Variants in HTR4 observed in about 807,000 individuals in gnomAD.
HTR4 encodes 5-hydroxytryptamine receptor 4, also known as 5-hydroxytryptamine (serotonin) receptor 4, G protein-coupled.
A neutral mutation model predicts 36.8 loss-of-function variants in HTR4; 16 were observed. The observed-to-expected ratio is 0.43, with a 90% CI of 0.29 to 0.66. The LOEUF is 0.66. Among genes scored for constraint, HTR4 ranks in the 30% least tolerant of loss-of-function variants. HTR4 has a pLI of 0.13. For synonymous variants in HTR4, 189 were observed against 185.1 expected, an observed-to-expected ratio of 1.02 and a Z score of -0.17; for missense variants, 438 against 490.9, an observed-to-expected ratio of 0.89 and a Z score of 1.02.
intron 2 of HTR4, 93 bp downstream of exon 2, chr5:148,636,896 T>G (rs1170281709): frequency 1.3e-6 from 1 of 761,634 alleles, no homozygotes; most frequent in African/African-American, 1.8e-5. Context: ...CCACATCCAT[T>G]AACTTTATAA....
At chr5:148,529,716 G>A (rs943124314) in intron 4 of HTR4, among the ~76,000 whole-genome samples, 1 of 152,200 alleles carries the variant, frequency 6.6e-6, no homozygotes, top group Non-Finnish European at 1.5e-5. Context: ...ACAGGCAGAG[G>A]TTGGAATAGT....
At chr5:148,637,536 G>A (rs1051034443) in intron 1 of HTR4, among the ~76,000 whole-genome samples, 2 of 152,058 alleles carry the variant, frequency 1.3e-5, no homozygotes, top group African/African-American at 4.8e-5. Flanking sequence ...AGAACTGTCT[G>A]CCCAGAAAAA....
chr5:148,643,146 A>T (rs1753778766), intron 1 of HTR4, among the ~76,000 whole-genome samples: 1 of 152,190 alleles, frequency 6.6e-6, no homozygotes, highest in Non-Finnish European at 1.5e-5. Context: ...ACCTATACTG[A>T]TACGTACAAT....
intron 5 of HTR4, chr5:148,466,004 A>G (rs1209697086): frequency 6.4e-7 from 1 of 1,568,920 alleles, no homozygotes; most frequent in South Asian, 1.2e-5. Flanking sequence ...AAAAAAAAAC[A>G]TAGAGATTAG....
chr5:148,636,457 G>A (rs892214306), intron 2 of HTR4, among the ~76,000 whole-genome samples: 19 of 152,044 alleles, frequency 1.2e-4, no homozygotes, highest in Admixed American at 4.6e-4. Flanking sequence ...TCTTCCCTAG[G>A]AGTCAGACTA....
intron 2 of HTR4, among the ~76,000 whole-genome samples, chr5:148,635,894 G>A (rs1753515598): frequency 6.6e-6 from 1 of 152,130 alleles, no homozygotes; most frequent in South Asian, 2.1e-4. Context: ...AAATAACAAA[G>A]TCCACACACT....
chr5:148,647,290 C>G (rs1185483038), intron 1 of HTR4, among the ~76,000 whole-genome samples: 2 of 152,142 alleles, frequency 1.3e-5, no homozygotes, highest in Non-Finnish European at 2.9e-5. Context: ...AGAGTGCATT[C>G]ATTTTATGAA....
intron 5 of HTR4, among the ~76,000 whole-genome samples, chr5:148,456,353 ACC>A (rs1242724485): frequency 2.0e-5 from 3 of 152,138 alleles, no homozygotes; most frequent in Admixed American, 6.6e-5. Context: ...TCATGTACAC[ACC>A]GCTGTTGCTG....
At chr5:148,651,954 ATCAT>A (rs564807250) in intron 1 of HTR4, among the ~76,000 whole-genome samples, 43 of 152,282 alleles carry the variant, frequency 2.8e-4, no homozygotes, top group Non-Finnish European at 2.9e-4. Flanking sequence ...TCTAGCTGAA[ATCAT>A]TCATCACATT....
rs1755906368 is a variant in HTR4 at position 148,481,943 on chromosome 5, G to T, written c.*1260C>A. 3 of 1,091,010 alleles carry T rather than the reference G, an allele frequency of 2.7e-6. No individual in the cohort carries two copies. Among genetic ancestry groups the T allele is most frequent in the Non-Finnish European group, 3.3e-6 (3 of 899,180 alleles). 67.6% of individuals were successfully genotyped at this position (1,091,010 alleles called of 1,614,324 possible). On this transcript the variant is annotated 3_prime_UTR_variant, in exon 7 of 7. Coordinates refer to ENST00000377888, the MANE Select transcript of HTR4 (RefSeq NM_000870.7). ...AAAGCCAAAAGGCAGGCAGGCCATG[G>T]CTTCTCGAGGTAGCAGACGGCTATA...
intron 1 of HTR4, among the ~76,000 whole-genome samples, chr5:148,646,565 C>T (rs946033333): frequency 1.3e-5 from 2 of 152,150 alleles, no homozygotes; most frequent in African/African-American, 4.8e-5. Context: ...TGTCACCTCC[C>T]CAAAGGCTGC....
rs185900781 is a variant in HTR4 at position 148,451,868 on chromosome 5, C to T, written c.1077-596G>A. ...TTCTGCCGTATCATACAATTGCACTCAATATCTTAATTGCCTTTAAATGCA... is the reference window on the plus strand; with the variant it reads ...TTCTGCCGTATCATACAATTGCACTTAATATCTTAATTGCCTTTAAATGCA... On this transcript the variant is annotated intron_variant, in intron 5 of 5. Transcript: ENST00000521530. Among the ~76,000 whole-genome samples, 6 of 152,292 alleles carry T rather than the reference C, an allele frequency of 3.9e-5. No homozygotes were observed. In the East Asian group the frequency reaches 1.2e-3, roughly 29 times the overall value.
At chr5:148,490,884 C>G in intron 6 of HTR4, 1 of 463,272 alleles carries the variant, frequency 2.2e-6, no homozygotes, top group Non-Finnish European at 4.3e-6. Context: ...GACCTAAAAC[C>G]TCTTTGCTCT....
chr5:148,595,007 A>T (rs750149358), intron 2 of HTR4, among the ~76,000 whole-genome samples: 14 of 152,286 alleles, frequency 9.2e-5, no homozygotes, highest in Non-Finnish European at 1.9e-4. Flanking sequence ...AAAAACAAAC[A>T]CATAAAAGAT....
At chr5:148,633,567 C>T (rs1487003532) in intron 2 of HTR4, among the ~76,000 whole-genome samples, 1 of 135,270 alleles carries the variant, frequency 7.4e-6, no homozygotes, top group South Asian at 2.7e-4. Flanking sequence ...CTGTGATGTT[C>T]CCCTTCCTGT....
intron 2 of HTR4, among the ~76,000 whole-genome samples, chr5:148,607,015 C>CT (rs1202539067): frequency 6.6e-6 from 1 of 152,100 alleles, no homozygotes; most frequent in Non-Finnish European, 1.5e-5. Flanking sequence ...AAAGGCAATC[C>CT]TTTTTTCAGT....
In HTR4 at chr5:148,457,935, T is replaced by C. The variant is rs1162529900; in HGVS notation, c.1077-6663A>G. The stretch of plus-strand genomic sequence containing the variant: ...TTTAATATATCATTAAAATATATTA[T>C]ATTTTAAGATATATTAAATATATAT... On this transcript the variant is annotated intron_variant, in intron 5 of 5. Coordinates refer to the HTR4 transcript ENST00000521530. 2.3e-5 allele frequency among the ~76,000 whole-genome samples: 3 copies of C among 133,152 alleles called. No homozygotes were observed. In the Admixed American group the frequency reaches 2.3e-4, roughly 10 times the overall value. 87.4% of individuals were successfully genotyped at this position (133,152 alleles called of 152,430 possible). A position where few individuals can be genotyped will look rare whatever the true frequency, so the allele number is the denominator to read the frequency against.
intron 2 of HTR4, among the ~76,000 whole-genome samples, chr5:148,580,389 C>T (rs1034433681): frequency 1.6e-4 from 25 of 152,004 alleles, no homozygotes; most frequent in African/African-American, 5.8e-4. Context: ...TCCATCATGC[C>T]AAAATTCCCC....
At position 148,460,355 on chromosome 5, in the gene HTR4, A is replaced by C. The variant is rs545784456; in HGVS notation, c.1077-9083T>G. Among the ~76,000 whole-genome samples the C allele has an allele frequency of 6.6e-5, 10 of 152,284 alleles. No homozygotes were observed. In the South Asian group the frequency reaches 2.1e-3, roughly 32 times the overall value. ...ATTACAACCAGGCATTTCATTTTCCAACTAAAGAAAATCAAAGATAAAAAA... is the reference window on the plus strand; with the variant it reads ...ATTACAACCAGGCATTTCATTTTCCCACTAAAGAAAATCAAAGATAAAAAA... On this transcript the variant is annotated intron_variant, in intron 5 of 5. Transcript: ENST00000521530.
Sources: allele counts gnomAD v4.1 joint callset (sites outside exome capture counted in the v4.1 genomes callset), GRCh38; gene constraint gnomAD v4.1.1; transcripts MANE v1.5; gene names NCBI Gene and HGNC (gene_info 2026-07-23, HGNC 2026-07-21).